PDE4D: variants seen among roughly 807,000 people sequenced by gnomAD.
PDE4D encodes the protein phosphodiesterase 4D.
In PDE4D, 24 loss-of-function variants were observed where a neutral mutation model predicts 87.4. The observed-to-expected ratio is 0.27, with a 90% CI of 0.20 to 0.39. The LOEUF is 0.39. Among genes scored for constraint, PDE4D ranks in the 10% least tolerant of loss-of-function variants. PDE4D has a pLI of 1.00. For synonymous variants in PDE4D, 384 were observed against 383.2 expected (o/e 1.00, Z -0.02); for missense variants, 714 against 1,041.0 (o/e 0.69, Z 4.32).
intron 1 of PDE4D, among the ~76,000 whole-genome samples, chr5:59,832,627 T>C (rs1271785123): frequency 6.6e-6 from 1 of 152,022 alleles, no homozygotes; most frequent in African/African-American, 2.4e-5. Context: ...TTCCTAAAAT[T>C]AGAGTATTAC....
chr5:59,114,809 C>T (rs1378846486), intron 5 of PDE4D, among the ~76,000 whole-genome samples: 1 of 149,872 alleles, frequency 6.7e-6, no homozygotes, highest in African/African-American at 2.5e-5. Context: ...ATTGGGAGAG[C>T]AGAGGAACTA....
chr5:59,937,042 C>T (rs907513149), intron 3 of PDE4D, among the ~76,000 whole-genome samples: 11 of 152,140 alleles, frequency 7.2e-5, no homozygotes, highest in African/African-American at 2.4e-4. Flanking sequence ...ATGCTTACTA[C>T]CTGGCAGATG....
At chr5:59,390,629 C>T (rs1320655292) in intron 1 of PDE4D, among the ~76,000 whole-genome samples, 1 of 151,970 alleles carries the variant, frequency 6.6e-6, no homozygotes, top group African/African-American at 2.4e-5. Context: ...TTGTTATAGA[C>T]ATGTAAATGT....
At chr5:59,192,156 A>G (rs933062796) in intron 3 of PDE4D, among the ~76,000 whole-genome samples, 2 of 152,184 alleles carry the variant, frequency 1.3e-5, no homozygotes, top group Admixed American at 1.3e-4. Flanking sequence ...ACAGTAATAA[A>G]AGTTTGGAAA....
At chr5:59,360,653 T>C (rs577471175) in intron 1 of PDE4D, among the ~76,000 whole-genome samples, 1 of 152,342 alleles carries the variant, frequency 6.6e-6, no homozygotes, top group African/African-American at 2.4e-5. Flanking sequence ...AAAATGGAAG[T>C]GTTGCAAAAT....
chr5:60,354,480 T>C (rs1218716759), intron 1 of PDE4D, among the ~76,000 whole-genome samples: 2 of 152,224 alleles, frequency 1.3e-5, no homozygotes, highest in South Asian at 4.1e-4. Flanking sequence ...TCTAGGAGTA[T>C]ACCCTTGTTA....
intron 2 of PDE4D, among the ~76,000 whole-genome samples, chr5:60,072,747 C>T (rs1772856747): frequency 6.6e-6 from 1 of 152,098 alleles, no homozygotes; most frequent in East Asian, 1.9e-4. Flanking sequence ...TTCTCAGCAT[C>T]ATTTATTGAA....
At chr5:60,482,447 C>T (rs1413830521) in intron 1 of PDE4D, among the ~76,000 whole-genome samples, 1 of 152,182 alleles carries the variant, frequency 6.6e-6, no homozygotes, top group Non-Finnish European at 1.5e-5. Context: ...ATAGCCCCAG[C>T]TTCCCTTTCA....
chr5:60,256,126 G>A (rs1052885882), intron 1 of PDE4D, among the ~76,000 whole-genome samples: 9 of 151,834 alleles, frequency 5.9e-5, no homozygotes, highest in Admixed American at 2.0e-4. Context: ...ACTCTCTTGA[G>A]AGTTATCACC....
At chr5:59,995,109 C>T (rs992328203) in intron 2 of PDE4D, among the ~76,000 whole-genome samples, 3 of 151,938 alleles carry the variant, frequency 2.0e-5, no homozygotes, top group African/African-American at 4.8e-5. Flanking sequence ...GTTGTGACAT[C>T]GACAAAAAGA....
At chr5:59,433,309 C>T (rs1309585804) in intron 1 of PDE4D, among the ~76,000 whole-genome samples, 1 of 152,030 alleles carries the variant, frequency 6.6e-6, no homozygotes, top group Non-Finnish European at 1.5e-5. Flanking sequence ...GGCATTTTTG[C>T]TTGTACCCAG....
At chr5:59,470,589 G>C (rs766416728) in intron 1 of PDE4D, among the ~76,000 whole-genome samples, 11 of 152,088 alleles carry the variant, frequency 7.2e-5, no homozygotes, top group Admixed American at 2.0e-4. Flanking sequence ...AGCATCTCTT[G>C]ACCTTCAATT....
At chr5:60,518,631 C>T (rs149631656) in intron 1 of PDE4D, among the ~76,000 whole-genome samples, 3 of 152,280 alleles carry the variant, frequency 2.0e-5, no homozygotes, top group Middle Eastern at 3.4e-3. Flanking sequence ...TAAACAGATG[C>T]GTGAACTCCC....
chr5:59,512,871 A>T (rs1270446491), intron 1 of PDE4D, among the ~76,000 whole-genome samples: 1 of 152,174 alleles, frequency 6.6e-6, no homozygotes, highest in Admixed American at 6.5e-5. Flanking sequence ...ATAAAAAGTT[A>T]TTTCTATTTT....
Position 59,768,713 on chromosome 5 carries a change from C to T in PDE4D, c.455+124455G>A, listed in dbSNP as rs1300467933. Reference sequence around the variant, plus strand: ...CCGCGGAAGCGTATTAAACGTCACCCCTCCTCTCCCAAGCCCCTGCCAAAG... The same window carrying T: ...CCGCGGAAGCGTATTAAACGTCACCTCTCCTCTCCCAAGCCCCTGCCAAAG... On this transcript the variant is annotated intron_variant, in intron 1 of 14. Coordinates refer to ENST00000340635, the MANE Select transcript of PDE4D (RefSeq NM_001104631.2). The T allele has an allele frequency of 1.0e-5, 13 of 1,271,180 alleles. No individual in the cohort carries two copies. The East Asian group carries it at 2.6e-4, about 25-fold the overall frequency. The allele number at this position is 1,271,180 out of a possible 1,614,324, so 78.7% of individuals were successfully genotyped here. A position where few individuals can be genotyped will look rare whatever the true frequency, so the allele number is the denominator to read the frequency against.
chr5:60,273,231 T>C (rs1583275437), intron 1 of PDE4D, among the ~76,000 whole-genome samples: 1 of 152,020 alleles, frequency 6.6e-6, no homozygotes, highest in Admixed American at 6.6e-5. Context: ...AAGTCATCTA[T>C]TCAGAGGTAG....
chr5:60,285,850 C>T (rs1430772490), intron 1 of PDE4D, among the ~76,000 whole-genome samples: 2 of 152,118 alleles, frequency 1.3e-5, no homozygotes, highest in Non-Finnish European at 2.9e-5. Context: ...GCAGTTTCAA[C>T]GAAAACCCAG....
chr5:59,647,415 T>C (rs1451051208), intron 1 of PDE4D, among the ~76,000 whole-genome samples: 2 of 151,854 alleles, frequency 1.3e-5, no homozygotes, highest in Admixed American at 1.3e-4. Flanking sequence ...ATTATTCATA[T>C]ATGTACATTT....
intron 1 of PDE4D, among the ~76,000 whole-genome samples, chr5:59,279,573 T>C (rs1765443541): frequency 6.6e-6 from 1 of 152,090 alleles, no homozygotes; most frequent in Non-Finnish European, 1.5e-5. Flanking sequence ...ACCTCTTTCA[T>C]AAACTGTCAG....
Sources: gnomAD v4.1 joint callset for allele counts (sites outside exome capture counted in the v4.1 genomes callset) on GRCh38, gnomAD v4.1.1 for gene constraint, MANE v1.5 for transcripts, NCBI Gene and HGNC (gene_info 2026-07-23, HGNC 2026-07-21) for gene names.